The following SNTA1 variants were observed in gnomAD, a reference collection of about 807,000 sequenced individuals.
SNTA1 encodes syntrophin alpha 1, also known as alpha-1-syntrophin.
A neutral mutation model predicts 47.1 loss-of-function variants in SNTA1; 31 were observed. The observed-to-expected ratio is 0.66, with a 90% CI of 0.49 to 0.89. The LOEUF (loss-of-function observed/expected upper bound fraction) is 0.89, where lower values mean the gene tolerates loss of function less well. SNTA1 is among the 40% of genes least tolerant of loss of function. SNTA1 has a pLI of 0.00. For missense variants in SNTA1, 575 were observed against 693.0 expected, an observed-to-expected ratio of 0.83 and a Z score of 1.91; for synonymous variants, 300 against 313.6, an observed-to-expected ratio of 0.96 and a Z score of 0.46.
chr20:33,420,679 T>A (rs1294645618), intron 2 of SNTA1, among the ~76,000 whole-genome samples: 1 of 152,118 alleles, frequency 6.6e-6, no homozygotes, highest in Non-Finnish European at 1.5e-5. Context: ...ACTTCCACAC[T>A]ATTGAAAATG....
chr20:33,436,595 GGA>G (rs748176389), intron 2 of SNTA1, among the ~76,000 whole-genome samples: 1 of 152,026 alleles, frequency 6.6e-6, no homozygotes, highest in Non-Finnish European at 1.5e-5. Context: ...CAGCACTTTG[GGA>G]GACTTAGGTG....
chr20:33,428,147 G>A (rs1224781908), intron 2 of SNTA1, among the ~76,000 whole-genome samples: 4 of 152,082 alleles, frequency 2.6e-5, no homozygotes, highest in Non-Finnish European at 4.4e-5. Context: ...TGGCTCACAC[G>A]TGTAATCCCA....
intron 2 of SNTA1, among the ~76,000 whole-genome samples, chr20:33,422,438 C>CA (rs57774332): frequency 0.39 from 51,539 of 131,074 alleles, 9,650 homozygotes; most frequent in African/African-American, 0.48. Flanking sequence ...GACTCTGTCT[C>CA]AAAAAAAAAA....
At position 33,417,923 on chromosome 20, in the gene SNTA1, A is replaced by G. The variant is rs1321364639; in HGVS notation, c.497T>C (p.Val166Ala). ...KKTGKEVVLEVKYMKDVSPYF... is the reference protein window; with the variant it reads ...KKTGKEVVLEAKYMKDVSPYF... ...CGGTGAGACGTCCTTCATATACTTGACTGATTGGGAGAGACATCAGCAGTC... is the reference window on the plus strand; with the variant it reads ...CGGTGAGACGTCCTTCATATACTTGGCTGATTGGGAGAGACATCAGCAGTC... The change falls in exon 3 of 8, where the codon GTC (valine) becomes GCC (alanine). Residue 166 changes from valine (V) to alanine (A), a missense_variant and splice_region_variant. Transcript: ENST00000217381. 1 of 1,609,426 alleles carries G rather than the reference A, an allele frequency of 6.2e-7. No homozygotes were observed. The highest frequency in any genetic ancestry group is 8.5e-7 in the Non-Finnish European group (1 of 1,175,934).
rs1047610986 is a variant in SNTA1, at chr20:33,410,472, T to C, written c.1041-141A>G. On this transcript the variant is annotated intron_variant, in intron 5 of 7. Transcript: ENST00000217381. ...GACAGGACTTGCCAGGGGGCACTGA[T>C]TGACTCAGCAGGAGACATCTCCTGC... 211 of 629,276 alleles carry C rather than the reference T, an allele frequency of 3.4e-4. No individual in the cohort carries two copies. The African/African-American group carries it at 3.7e-3, about 11-fold the overall frequency. 39.0% of individuals were successfully genotyped at this position (629,276 alleles called of 1,614,324 possible).
rs1430826527 is a variant in SNTA1, at chr20:33,438,967, C to T, written c.370G>A (p.Asp124Asn). The change falls in exon 2 of 8, where the codon GAC (aspartate) becomes AAC (asparagine). Residue 124 changes from aspartate to asparagine, a missense_variant. Coordinates refer to ENST00000217381, the MANE Select transcript of SNTA1 (RefSeq NM_003098.3). ...ISKIFKGLAA[D>N]QTEALFVGDA... Reference sequence around the variant, plus strand: ...CCCACAAAAAGGGCCTCTGTCTGGTCAGCTGCCAATCCCTTGAAGATCTTG... The same window carrying T: ...CCCACAAAAAGGGCCTCTGTCTGGTTAGCTGCCAATCCCTTGAAGATCTTG... The T allele has an allele frequency of 1.9e-6, 3 of 1,614,210 alleles. No homozygotes were observed. The highest frequency in any genetic ancestry group is 2.5e-6 in the Non-Finnish European group (3 of 1,180,026).
intron 2 of SNTA1, among the ~76,000 whole-genome samples, chr20:33,426,736 T>C (rs1042358078): frequency 6.6e-6 from 1 of 151,860 alleles, no homozygotes; most frequent in African/African-American, 2.4e-5. Flanking sequence ...CACTCCAGCC[T>C]GGGTGACAGA....
At chr20:33,430,287 C>CTTTT (rs951409757) in intron 2 of SNTA1, among the ~76,000 whole-genome samples, 7 of 131,488 alleles carry the variant, frequency 5.3e-5, no homozygotes, top group Admixed American at 8.4e-5. Flanking sequence ...TTACTTTTTT[C>CTTTT]TTTTTTTTTT....
chr20:33,430,068 C>A (rs1225234377), intron 2 of SNTA1, among the ~76,000 whole-genome samples: 1 of 151,848 alleles, frequency 6.6e-6, no homozygotes, highest in African/African-American at 2.4e-5. Context: ...CACCACATAC[C>A]AAGCCATACA....
intron 1 of SNTA1, among the ~76,000 whole-genome samples, chr20:33,442,873 G>A (rs1990610797): frequency 6.6e-6 from 1 of 152,014 alleles, no homozygotes; most frequent in South Asian, 2.1e-4. Flanking sequence ...CCACCCCTGT[G>A]CTTCCCAGAC....
Position 33,410,160 on chromosome 20 carries a change from G to A in SNTA1, c.1212C>T (p.Ala404=), listed in dbSNP as rs754521867. 1.2e-5 allele frequency: 19 copies of A among 1,614,024 alleles called. No individual in the cohort carries two copies. The highest frequency in any genetic ancestry group is 5.5e-5 in the South Asian group (5 of 91,084). ...CTGTAGACACCTCCTGCACACCCTC[G>A]GCGGCCCGGTGACAGCCATCCACAA... ...RQLVDGCHRA[A]EGVQEVSTAC... Residue 404 remains alanine (A), a synonymous_variant, in exon 6 of 8, where the codon GCC becomes GCT. Transcript: ENST00000217381.
At chr20:33,409,920 C>T (rs569585122) in intron 6 of SNTA1, among the ~76,000 whole-genome samples, 5 of 152,278 alleles carry the variant, frequency 3.3e-5, no homozygotes, top group East Asian at 1.9e-4. Context: ...CGTGAGCCAC[C>T]GCACCTGGCC....
Position 33,412,379 on chromosome 20 carries a change from C to T in SNTA1, c.957G>A (p.Lys319=). ...GGAGAGACAAGTAGAGGAGCAGTTC[C>T]TTTTCAGTTAGCAGGGCCAGGGTGG... ...TAPTLALLTE[K]ELLLYLSLPE... Residue 319 remains lysine (K), a synonymous_variant, in exon 5 of 8, where the codon AAG becomes AAA. Transcript: ENST00000217381. 1 of 1,611,518 alleles carries T rather than the reference C, an allele frequency of 6.2e-7. No individual in the cohort carries two copies. The highest frequency in any genetic ancestry group is 1.1e-5 in the South Asian group (1 of 90,452).
intron 2 of SNTA1, among the ~76,000 whole-genome samples, chr20:33,425,757 C>T (rs1034843825): frequency 4.0e-5 from 6 of 151,676 alleles, no homozygotes; most frequent in African/African-American, 1.2e-4. Flanking sequence ...TTGACCTCTG[C>T]GAGCCTCTGT....
chr20:33,416,769 GTC>G (rs987960556), intron 3 of SNTA1, among the ~76,000 whole-genome samples: 7 of 151,920 alleles, frequency 4.6e-5, no homozygotes, highest in African/African-American at 1.7e-4. Flanking sequence ...GGAGAATCCC[GTC>G]TCTACTAAAA....
intron 2 of SNTA1, among the ~76,000 whole-genome samples, chr20:33,422,207 G>A (rs560008111): frequency 2.6e-5 from 4 of 151,766 alleles, no homozygotes; most frequent in Admixed American, 6.6e-5. Flanking sequence ...TTGGGAGGCC[G>A]AGGCGGGTGG....
rs34754645 is a variant in SNTA1, at chr20:33,421,957, CAAAAAAAAAAAAA to C, written c.497-4047_497-4035del. ...GGGCGACAGAGCAAGACCCTGTCTC[CAAAAAAAAAAAAA>C]AAAAAAAAAAAGTCTGCCTCAGAGA... is the stretch of plus-strand genomic sequence containing the variant. On this transcript the variant is annotated intron_variant, in intron 2 of 7. Transcript: ENST00000217381. Among the ~76,000 whole-genome samples, 5 of 70,042 alleles carry C rather than the reference CAAAAAAAAAAAAA, an allele frequency of 7.1e-5. 1 individual carries two copies. Among genetic ancestry groups the C allele is most frequent in the African/African-American group, 3.0e-4 (5 of 16,836 alleles). 46.0% of individuals were successfully genotyped at this position (70,042 alleles called of 152,430 possible).
Position 33,439,006 on chromosome 20 carries a change from G to A in SNTA1, c.331C>T (p.Pro111Ser). 1 of 1,614,116 alleles carries A rather than the reference G, an allele frequency of 6.2e-7. No homozygotes were observed. Among genetic ancestry groups the A allele is most frequent in the Non-Finnish European group, 8.5e-7 (1 of 1,180,008 alleles). ...TTGAAGATCTTGGAAATGAGAATAG[G>A]CATCTTGTTCTCCCGGCCGCCTGCA... ...SIKGGRENKM[P>S]ILISKIFKGL... Residue 111 changes from proline to serine, a missense_variant, in exon 2 of 8, where the codon CCT becomes TCT. Coordinates refer to ENST00000217381, the MANE Select transcript of SNTA1 (RefSeq NM_003098.3).
chr20:33,443,483 G>C lies in SNTA1; in HGVS notation c.138C>G (p.Asp46Glu). 1 of 1,378,170 alleles carries C rather than the reference G, an allele frequency of 7.3e-7. No homozygotes were observed. The highest frequency in any genetic ancestry group is 3.3e-5 in the East Asian group (1 of 30,202). 85.4% of individuals were successfully genotyped at this position (1,378,170 alleles called of 1,614,324 possible). ...CGCCGGGCTCGGGACCAGGGTCGCC[G>C]TCGGCGGGGCTCACGGTCAGCACGT... ...AEDVLTVSPA[D>E]GDPGPEPGAP... is the part of the protein sequence containing the mutation. Residue 46 changes from aspartate (D) to glutamate (E), a missense_variant, in exon 1 of 8, where the codon GAC becomes GAG. Coordinates refer to ENST00000217381, the MANE Select transcript of SNTA1 (RefSeq NM_003098.3).
Sources: gnomAD v4.1 joint callset for allele counts (sites outside exome capture counted in the v4.1 genomes callset) on GRCh38, gnomAD v4.1.1 for gene constraint, MANE v1.5 for transcripts, NCBI Gene and HGNC (gene_info 2026-07-23, HGNC 2026-07-21) for gene names.